CCDC90B: variants seen among roughly 807,000 people sequenced by gnomAD.
The protein encoded by CCDC90B is coiled-coil domain containing 90B, also known as coiled-coil domain-containing protein 90B, mitochondrial.
In CCDC90B, 24 loss-of-function variants were observed where a neutral mutation model predicts 37.0. The observed-to-expected ratio is 0.65, with a 90% CI of 0.47 to 0.91. CCDC90B has a LOEUF of 0.91. Ranked by LOEUF, CCDC90B falls within the 40% of genes least tolerant of loss-of-function variation. The pLI is 0.00. For synonymous variants in CCDC90B, 113 were observed against 101.1 expected, an observed-to-expected ratio of 1.12 and a Z score of -0.71; for missense variants, 319 against 299.0, an observed-to-expected ratio of 1.07 and a Z score of -0.49.
Position 83,285,600 on chromosome 11 carries a change from C to A in CCDC90B, c.100+273G>T, listed in dbSNP as rs77117678. On this transcript the variant is annotated intron_variant, in intron 1 of 8. Transcript: ENST00000529689. ...TTACTAGCCTCTTGTCACCAAAAAA[C>A]GGAAACAACGGCTGAGAAAGAAGCC... 1.3e-3 allele frequency: 1,672 copies of A among 1,305,778 alleles called. 19 individuals are homozygous for A. The African/African-American group carries it at 0.023, about 18-fold the overall frequency. The allele number at this position is 1,305,778 out of a possible 1,614,324, so 80.9% of individuals were successfully genotyped here. A position where few individuals can be genotyped will look rare whatever the true frequency, so the allele number is the denominator to read the frequency against.
Position 83,285,982 on chromosome 11 carries a change from G to C in CCDC90B, c.-10C>G, listed in dbSNP as rs151318595. On this transcript the variant is annotated 5_prime_UTR_variant, in exon 1 of 9. Transcript: ENST00000529689. ...CCTGGCGACTATTCATGTCCTCAGA[G>C]TTTTCCGGTGGGAGGGAGGCGGAAG... The C allele has an allele frequency of 1.0e-4, 161 of 1,605,574 alleles. No homozygotes were observed. The highest frequency in any genetic ancestry group is 6.8e-5 in the Admixed American group (4 of 59,132).
At chr11:83,274,101 A>C (rs1864872404) in intron 4 of CCDC90B, 109 bp from the exon 5 acceptor site, 3 of 719,738 alleles carry the variant, frequency 4.2e-6, no homozygotes, top group Middle Eastern at 6.6e-4. Flanking sequence ...ATGGATTTCT[A>C]ATACAGAATT....
chr11:83,265,903 A>G lies in CCDC90B; in HGVS notation c.671T>C (p.Met224Thr). Residue 224 changes from methionine to threonine, a missense_variant, in exon 8 of 9, where the codon ATG (methionine) becomes ACG (threonine). Physicochemically the swap from Met to Thr is moderately conservative, Grantham distance 81 (BLOSUM62 -1). Transcript: ENST00000529689. ...DAEIASLKTL[M>T]ESNKLETIRY... Reference sequence around the variant, plus strand: ...AATTGTCTCAAGTTTGTTAGATTCCATCAGTGTTTTTAAGGAAGCAATTTC... The same window carrying G: ...AATTGTCTCAAGTTTGTTAGATTCCGTCAGTGTTTTTAAGGAAGCAATTTC... 5 of 1,611,248 alleles carry G rather than the reference A, an allele frequency of 3.1e-6. No homozygotes were observed. The highest frequency in any genetic ancestry group is 4.2e-6 in the Non-Finnish European group (5 of 1,178,674).
intron 1 of CCDC90B, among the ~76,000 whole-genome samples, chr11:83,280,617 T>C (rs1865328193): frequency 6.6e-6 from 1 of 152,220 alleles, no homozygotes; most frequent in Non-Finnish European, 1.5e-5. Flanking sequence ...CTGTGCTCAG[T>C]AATAGTCTTT....
intron 7 of CCDC90B, among the ~76,000 whole-genome samples, chr11:83,266,713 C>A (rs1864298541): frequency 6.6e-6 from 1 of 152,272 alleles, no homozygotes; most frequent in Non-Finnish European, 1.5e-5. Flanking sequence ...CTTCTGCAGA[C>A]TTAAATGTCC....
intron 1 of CCDC90B, chr11:83,285,251 A>T (rs1865612904): frequency 7.8e-7 from 1 of 1,282,384 alleles, no homozygotes; most frequent in African/African-American, 1.5e-5. Context: ...AAAAACAACG[A>T]CGACAACAAA....
chr11:83,285,842 C>G, intron 1 of CCDC90B, 31 bp downstream of exon 1: 2 of 1,595,612 alleles, frequency 1.3e-6, no homozygotes, highest in South Asian at 1.1e-5. Flanking sequence ...AGAGAGCACT[C>G]AGGCATCTAT....
In CCDC90B at chr11:83,261,209, G is replaced by C. The variant is rs1233375558; in HGVS notation, c.*702C>G. 6.6e-6 allele frequency: 1 copy of C among 152,154 alleles called. No individual in the cohort carries two copies. Among genetic ancestry groups the C allele is most frequent in the Non-Finnish European group, 1.5e-5 (1 of 68,082 alleles). 9.4% of individuals were successfully genotyped at this position (152,154 alleles called of 1,614,324 possible). A position where few individuals can be genotyped will look rare whatever the true frequency, so the allele number is the denominator to read the frequency against. On this transcript the variant is annotated 3_prime_UTR_variant, in exon 9 of 9. Transcript: ENST00000529689. ...AGCCTCCCGAGTAGCTGGAATTACA[G>C]GCATGTGCCACCATGCCTGGCTAAT...
intron 8 of CCDC90B, 30 bp downstream of exon 8, chr11:83,265,835 G>T (rs758193979): frequency 2.2e-6 from 3 of 1,377,600 alleles, no homozygotes; most frequent in South Asian, 2.4e-5. Flanking sequence ...AAAATTAGAT[G>T]ACAGCAATTT....
Position 83,260,804 on chromosome 11 carries a change from T to A in CCDC90B, c.*1107A>T, listed in dbSNP as rs1227886739. 1.3e-5 allele frequency: 2 copies of A among 152,168 alleles called. No individual in the cohort carries two copies. Among genetic ancestry groups the A allele is most frequent in the African/African-American group, 4.8e-5 (2 of 41,444 alleles). 9.4% of individuals were successfully genotyped at this position (152,168 alleles called of 1,614,324 possible). A position where few individuals can be genotyped will look rare whatever the true frequency, so the allele number is the denominator to read the frequency against. Reference sequence around the variant, plus strand: ...ATATGATTTACTAATAGATATTACTTTGTAAGAAAAAATATATCTAATAAC... The same window carrying A: ...ATATGATTTACTAATAGATATTACTATGTAAGAAAAAATATATCTAATAAC... On this transcript the variant is annotated 3_prime_UTR_variant, in exon 9 of 9. Coordinates refer to ENST00000529689, the MANE Select transcript of CCDC90B (RefSeq NM_021825.5).
At chr11:83,273,596 A>T in intron 7 of CCDC90B, 51 bp downstream of exon 7, 2 of 1,378,178 alleles carry the variant, frequency 1.5e-6, no homozygotes, top group South Asian at 2.7e-5. Context: ...AAAAGCAGTT[A>T]TACAAGGCAC....
chr11:83,285,734 G>A (rs1004642468), intron 1 of CCDC90B, 139 bp downstream of exon 1: 7 of 1,445,676 alleles, frequency 4.8e-6, no homozygotes, highest in African/African-American at 4.3e-5. Context: ...AGCAGGCAGC[G>A]GCGTCGCCCA....
intron 7 of CCDC90B, among the ~76,000 whole-genome samples, chr11:83,272,620 C>A (rs1254305386): frequency 2.6e-5 from 4 of 152,098 alleles, no homozygotes; most frequent in Non-Finnish European, 1.5e-5. Context: ...CAGATGAGAC[C>A]TAGAGCACAG....
rs970240343 is a variant in CCDC90B at position 83,261,061 on chromosome 11, T to C, written c.*850A>G. On this transcript the variant is annotated 3_prime_UTR_variant, in exon 9 of 9. Transcript: ENST00000529689. ...ATATTTAGCAACTCTACAGATTTCA[T>C]ATTAAGTGTTGTAATTTGCACTAAA... 1 of 152,184 alleles carries C rather than the reference T, an allele frequency of 6.6e-6. No homozygotes were observed. The highest frequency in any genetic ancestry group is 2.4e-5 in the African/African-American group (1 of 41,448). 9.4% of individuals were successfully genotyped at this position (152,184 alleles called of 1,614,324 possible). A position where few individuals can be genotyped will look rare whatever the true frequency, so the allele number is the denominator to read the frequency against.
At chr11:83,274,861 TTAAG>T in intron 3 of CCDC90B, 121 bp from the exon 4 acceptor site, 1 of 563,490 alleles carries the variant, frequency 1.8e-6, no homozygotes, top group Non-Finnish European at 3.1e-6. Flanking sequence ...TGTTGACTGG[TTAAG>T]TAAATATGAA....
intron 7 of CCDC90B, among the ~76,000 whole-genome samples, chr11:83,272,520 A>G (rs1287932264): frequency 6.6e-6 from 1 of 152,198 alleles, no homozygotes; most frequent in African/African-American, 2.4e-5. Context: ...CAGGTGTATA[A>G]TATGAACTGG....
chr11:83,278,194 A>G (rs1035249033), intron 3 of CCDC90B, among the ~76,000 whole-genome samples: 1 of 152,242 alleles, frequency 6.6e-6, no homozygotes, highest in Non-Finnish European at 1.5e-5. Flanking sequence ...ATTAAATAAT[A>G]TACGAAAAGT....
chr11:83,285,660 A>G, intron 1 of CCDC90B: 3 of 1,398,398 alleles, frequency 2.1e-6, no homozygotes, highest in Non-Finnish European at 2.8e-6. Flanking sequence ...GGTTCGCTTT[A>G]AGAACAGAAA....
chr11:83,268,365 G>A (rs558200929), intron 7 of CCDC90B, among the ~76,000 whole-genome samples: 12 of 151,830 alleles, frequency 7.9e-5, no homozygotes, highest in African/African-American at 2.2e-4. Flanking sequence ...CCCATCTCAC[G>A]TGCAAAGATG....
Sources: gnomAD v4.1 joint callset for allele counts (sites outside exome capture counted in the v4.1 genomes callset) on GRCh38, gnomAD v4.1.1 for gene constraint, MANE v1.5 for transcripts, NCBI Gene and HGNC (gene_info 2026-07-23, HGNC 2026-07-21) for gene names.